Variants in UNC13C observed in about 807,000 individuals in gnomAD.
The protein encoded by UNC13C is protein unc-13 homolog C.
In UNC13C, 174 loss-of-function variants were observed where a neutral mutation model predicts 245.4. The ratio of observed to expected loss-of-function variants is 0.71; its 90% CI spans 0.63 to 0.80. UNC13C has a LOEUF of 0.80. Ranked by LOEUF, UNC13C falls within the 30% of genes least tolerant of loss-of-function variation. UNC13C has a pLI of 0.00. For missense variants in UNC13C, 2,829 were observed against 2,602.9 expected, an observed-to-expected ratio of 1.09 and a Z score of -1.89; for synonymous variants, 992 against 895.1, an observed-to-expected ratio of 1.11 and a Z score of -1.93.
At chr15:54,575,782 A>G (rs1469893448) in intron 30 of UNC13C, among the ~76,000 whole-genome samples, 1 of 152,128 alleles carries the variant, frequency 6.6e-6, no homozygotes, top group Admixed American at 6.5e-5. Context: ...GGTCTATGTC[A>G]CTCTCTGCCC....
chr15:54,156,588 A>G (rs1440533634), intron 4 of UNC13C, among the ~76,000 whole-genome samples: 1 of 152,060 alleles, frequency 6.6e-6, no homozygotes, highest in Non-Finnish European at 1.5e-5. Flanking sequence ...GGGAGGCACA[A>G]AGCTGTAGTG....
At chr15:54,432,196 A>G (rs1187154875) in intron 19 of UNC13C, among the ~76,000 whole-genome samples, 1 of 151,618 alleles carries the variant, frequency 6.6e-6, no homozygotes, top group Admixed American at 6.6e-5. Context: ...GCCCTAATAG[A>G]GTCCATAGAG....
At chr15:54,528,613 C>T (rs1184700805) in intron 25 of UNC13C, among the ~76,000 whole-genome samples, 1 of 151,746 alleles carries the variant, frequency 6.6e-6, no homozygotes, top group Non-Finnish European at 1.5e-5. Flanking sequence ...AACTGTCACA[C>T]CCCTTGTCCA....
downstream of UNC13C, chr15:54,631,695 T>C (rs924154465): frequency 1.3e-5 from 2 of 152,192 alleles, no homozygotes; most frequent in African/African-American, 4.8e-5. Context: ...CCTAGTTTTT[T>C]TTGTTGAATA....
intron 28 of UNC13C, among the ~76,000 whole-genome samples, chr15:54,553,818 C>G (rs1896976450): frequency 1.3e-5 from 2 of 150,538 alleles, no homozygotes; most frequent in African/African-American, 4.8e-5. Flanking sequence ...AATGTGACCA[C>G]ATTGTTAAAC....
At chr15:54,487,343 T>C (rs1435722734) in intron 19 of UNC13C, among the ~76,000 whole-genome samples, 2 of 152,180 alleles carry the variant, frequency 1.3e-5, no homozygotes, top group Non-Finnish European at 2.9e-5. Context: ...TTTCTTTGCT[T>C]TTTTTCCTGG....
chr15:54,138,789 C>G (rs7181274), intron 2 of UNC13C, among the ~76,000 whole-genome samples: 2,717 of 151,732 alleles, frequency 0.018, 92 homozygotes, highest in African/African-American at 0.063. Context: ...GGAGGCTGGA[C>G]GTTCACTATC....
At chr15:54,038,124 A>ATATAAATTTTTTTTTTTTTTTTT in intron 2 of UNC13C, among the ~76,000 whole-genome samples, 4 of 45,032 alleles carry the variant, frequency 8.9e-5, no homozygotes, top group African/African-American at 4.2e-4. Flanking sequence ...ATATATATAT[A>ATATAAATTTTTTTTTTTTTTTTT]TTTTTTTTTT....
At chr15:54,205,451 T>A (rs1217319130) in intron 4 of UNC13C, among the ~76,000 whole-genome samples, 1 of 152,028 alleles carries the variant, frequency 6.6e-6, no homozygotes, top group Non-Finnish European at 1.5e-5. Context: ...TCAAAAGTGT[T>A]AATGGTAAAG....
Position 54,338,397 on chromosome 15 carries a change from G to T in UNC13C, c.4621G>T (p.Val1541Leu). The change falls in exon 17 of 33, where the codon GTG becomes TTG. Residue 1541 changes from valine (V) to leucine (L), a missense_variant. By Grantham distance (32) the Val-to-Leu change is conservative (BLOSUM62 1). Transcript: ENST00000260323. ...ELQSPPKASM[V>L]VKDCVRACLD... ...GCAAAGCCCCCCAAAAGCGAGCATG[G>T]TGGTGAAGGACTGTGTAAGGGCTTG... is the stretch of plus-strand genomic sequence containing the variant. The T allele has an allele frequency of 1.2e-6, 2 of 1,612,968 alleles. No homozygotes were observed. Among genetic ancestry groups the T allele is most frequent in the Non-Finnish European group, 1.7e-6 (2 of 1,179,260 alleles).
At chr15:54,317,166 A>C (rs2038029279) in intron 13 of UNC13C, among the ~76,000 whole-genome samples, 1 of 151,998 alleles carries the variant, frequency 6.6e-6, no homozygotes, top group Non-Finnish European at 1.5e-5. Context: ...TTGACTATAC[A>C]TTGAAGTTAT....
At chr15:54,036,169 G>A (rs73416915) in intron 2 of UNC13C, among the ~76,000 whole-genome samples, 1 of 152,068 alleles carries the variant, frequency 6.6e-6, no homozygotes, top group South Asian at 2.1e-4. Context: ...GAAATTAACC[G>A]CAAGTTGTTA....
chr15:54,200,013 A>G (rs949280169), intron 4 of UNC13C, among the ~76,000 whole-genome samples: 2 of 152,156 alleles, frequency 1.3e-5, no homozygotes, highest in African/African-American at 2.4e-5. Flanking sequence ...ATGGACACCA[A>G]AAGTGACTAG....
At chr15:54,596,611 T>A (rs577778792) in intron 30 of UNC13C, among the ~76,000 whole-genome samples, 1 of 152,280 alleles carries the variant, frequency 6.6e-6, no homozygotes, top group South Asian at 2.1e-4. Flanking sequence ...TTTGAATATT[T>A]TGTCTTTTCC....
At chr15:53,865,015 T>A in the UNC13C span, among the ~76,000 whole-genome samples, 1 of 152,126 alleles carries the variant, frequency 6.6e-6, no homozygotes, top group Admixed American at 6.6e-5. Flanking sequence ...TCAGCTGTGG[T>A]TTGGTAAATT....
intron 19 of UNC13C, among the ~76,000 whole-genome samples, chr15:54,491,409 A>G (rs1416129537): frequency 1.3e-5 from 2 of 152,238 alleles, no homozygotes; most frequent in African/African-American, 4.8e-5. Flanking sequence ...AATAGCAGTT[A>G]TATTTTAAGA....
At position 54,293,995 on chromosome 15, in the gene UNC13C, G is replaced by C; in HGVS notation, c.3919G>C (p.Asp1307His). The stretch of plus-strand genomic sequence containing the variant: ...GCAACATTTCAAAAAGGAGTCAGAT[G>C]ATTTTCTGGGACAAACAATTGTAGA... ...VKQHFKKESD[D>H]FLGQTIVEVR... is the part of the protein sequence containing the mutation. The change falls in exon 11 of 33, where the codon GAT becomes CAT. Residue 1307 changes from aspartate (D) to histidine (H), a missense_variant. Physicochemically the swap from Asp to His is moderately conservative, Grantham distance 81. Coordinates refer to ENST00000260323, the MANE Select transcript of UNC13C (RefSeq NM_001080534.3). The C allele has an allele frequency of 6.3e-7, 1 of 1,597,978 alleles. No individual in the cohort carries two copies. The highest frequency in any genetic ancestry group is 1.1e-5 in the South Asian group (1 of 88,624).
chr15:54,392,203 TA>T (rs1275585350), intron 17 of UNC13C, among the ~76,000 whole-genome samples: 2 of 152,014 alleles, frequency 1.3e-5, no homozygotes, highest in Non-Finnish European at 2.9e-5. Context: ...CCCACCAAAA[TA>T]AATGACCAGA....
chr15:54,328,234 A>C (rs2038347592), intron 14 of UNC13C, among the ~76,000 whole-genome samples: 1 of 152,126 alleles, frequency 6.6e-6, no homozygotes. Context: ...TTGGTATCAG[A>C]ATTAATCTCA....
Sources: gnomAD v4.1 joint callset for allele counts (sites outside exome capture counted in the v4.1 genomes callset) on GRCh38, gnomAD v4.1.1 for gene constraint, MANE v1.5 for transcripts, NCBI Gene and HGNC (gene_info 2026-07-23, HGNC 2026-07-21) for gene names.